The following PTPN1 variants were observed in gnomAD, a reference collection of about 807,000 sequenced individuals.
PTPN1 encodes the protein tyrosine-protein phosphatase non-receptor type 1.
PTPN1 carries 12 observed loss-of-function variants against 59.9 expected under a neutral mutation model. The observed-to-expected ratio is 0.20, with a 90% confidence interval of 0.13 to 0.32. The LOEUF is 0.32. PTPN1 is among the 10% of genes least tolerant of loss of function. The probability of loss-of-function intolerance (pLI) is 1.00; values close to 1 mark genes in which losing one functional copy is unlikely to be tolerated. For missense variants in PTPN1, 356 were observed against 549.2 expected (o/e 0.65, Z 3.52); for synonymous variants, 178 against 203.6 (o/e 0.87, Z 1.07).
intron 5 of PTPN1, among the ~76,000 whole-genome samples, chr20:50,575,888 C>A (rs890546440): frequency 2.0e-5 from 3 of 152,182 alleles, no homozygotes; most frequent in African/African-American, 7.2e-5. Context: ...GCTTGCACCA[C>A]TGCACTCTAG....
chr20:50,575,310 G>C (rs996404309), intron 5 of PTPN1, among the ~76,000 whole-genome samples: 1 of 152,224 alleles, frequency 6.6e-6, no homozygotes, highest in African/African-American at 2.4e-5. Flanking sequence ...CCAGTGAAGA[G>C]TGGCCAGCCA....
intron 2 of PTPN1, among the ~76,000 whole-genome samples, chr20:50,563,974 C>T (rs955914993): frequency 6.6e-6 from 1 of 151,898 alleles, no homozygotes; most frequent in Non-Finnish European, 1.5e-5. Context: ...AATATACTTT[C>T]AGTGTTTGGG....
chr20:50,518,235 A>G (rs1046346836), intron 1 of PTPN1, among the ~76,000 whole-genome samples: 4 of 152,128 alleles, frequency 2.6e-5, no homozygotes, highest in Non-Finnish European at 5.9e-5. Flanking sequence ...ATTGTACACT[A>G]TTGCGAATTT....
Position 50,534,016 on chromosome 20 carries a change from C to T in PTPN1, c.63+23426C>T, listed in dbSNP as rs1178339047. ...CGCGATCTCGGCTCACTGCAACCTC[C>T]GCCTCCCGAGTTCAAGCGATTCTCC... On this transcript the variant is annotated intron_variant, in intron 1 of 9. Coordinates refer to ENST00000371621, the MANE Select transcript of PTPN1 (RefSeq NM_002827.4). 1.6e-4 allele frequency among the ~76,000 whole-genome samples: 24 copies of T among 152,128 alleles called. 1 individual carries two copies. The highest frequency in any genetic ancestry group is 1.5e-3 in the Admixed American group (23 of 15,270).
At chr20:50,511,384 G>A (rs1322113276) in intron 1 of PTPN1, among the ~76,000 whole-genome samples, 1 of 152,172 alleles carries the variant, frequency 6.6e-6, no homozygotes, top group African/African-American at 2.4e-5. Context: ...TGCTTTGTGA[G>A]CTGAACCAAG....
intron 1 of PTPN1, among the ~76,000 whole-genome samples, chr20:50,523,294 G>A (rs1019046350): frequency 3.3e-5 from 5 of 152,126 alleles, no homozygotes; most frequent in Non-Finnish European, 7.3e-5. Flanking sequence ...GGACGTCCAG[G>A]GAAGCATCTG....
chr20:50,528,644 G>A (rs1000433379), intron 1 of PTPN1, among the ~76,000 whole-genome samples: 5 of 151,204 alleles, frequency 3.3e-5, no homozygotes, highest in African/African-American at 1.2e-4. Flanking sequence ...AACTGGGGAG[G>A]TGGAGGTTGC....
At chr20:50,553,856 T>G (rs1601403756) in intron 1 of PTPN1, among the ~76,000 whole-genome samples, 1 of 152,206 alleles carries the variant, frequency 6.6e-6, no homozygotes, top group South Asian at 2.1e-4. Flanking sequence ...AGAATTTAGC[T>G]GGATAGGATT....
chr20:50,561,377 A>T lies in PTPN1; in HGVS notation c.78A>T (p.Glu26Asp), dbSNP rs751952672. ...CTTTTTTGTAGGATATCCGACATGA[A>T]GCCAGTGACTTCCCATGTAGAGTGG... ...WAAIYQDIRH[E>D]ASDFPCRVAK... Residue 26 changes from glutamate to aspartate, a missense_variant, in exon 2 of 10, where the codon GAA becomes GAT. Physicochemically the swap from Glu to Asp is conservative, Grantham distance 45. Around this residue, in one of 3 missense-constraint regions of PTPN1, gnomAD observed 194 missense variants for 344.2 expected, o/e 0.56. Transcript: ENST00000371621. 6.2e-7 allele frequency: 1 copy of T among 1,611,706 alleles called. No individual in the cohort carries two copies. The highest frequency in any genetic ancestry group is 1.1e-5 in the South Asian group (1 of 90,794).
chr20:50,536,886 G>A (rs547951770), intron 1 of PTPN1, among the ~76,000 whole-genome samples: 3 of 152,070 alleles, frequency 2.0e-5, no homozygotes, highest in Non-Finnish European at 2.9e-5. Flanking sequence ...CATGTTTACT[G>A]TAGAAAACAA....
At chr20:50,515,536 C>T (rs527566935) in intron 1 of PTPN1, among the ~76,000 whole-genome samples, 120 of 152,294 alleles carry the variant, frequency 7.9e-4, no homozygotes, top group Non-Finnish European at 3.2e-4. Context: ...AAGTGATCCT[C>T]CTGCCTTGGC....
chr20:50,582,862 C>T lies in PTPN1; in HGVS notation c.*147C>T. ...GACGGACGTTGGTTCTGCACTAAAA[C>T]CCATCTTCCCCGGATGTGTGTCTCA... On this transcript the variant is annotated 3_prime_UTR_variant, in exon 10 of 10. Transcript: ENST00000371621. The surrounding 1 kb of genome is among the most constrained non-coding windows in gnomAD (Gnocchi z 4.2). The T allele has an allele frequency of 2.3e-6, 2 of 883,192 alleles. No individual in the cohort carries two copies. Among genetic ancestry groups the T allele is most frequent in the Non-Finnish European group, 3.5e-6 (2 of 563,454 alleles). The allele number at this position is 883,192 out of a possible 1,614,324, so 54.7% of individuals were successfully genotyped here. A position where few individuals can be genotyped will look rare whatever the true frequency, so the allele number is the denominator to read the frequency against.
chr20:50,580,374 C>T (rs1299365512), intron 8 of PTPN1, among the ~76,000 whole-genome samples: 2 of 152,180 alleles, frequency 1.3e-5, no homozygotes, highest in African/African-American at 4.8e-5. Flanking sequence ...TGCAGGTTAA[C>T]AACCATTATT....
intron 5 of PTPN1, chr20:50,577,898 T>G (rs2082844797): frequency 6.4e-6 from 1 of 157,056 alleles, no homozygotes. Context: ...GAGCCACACC[T>G]TGGAGTCACC....
Position 50,583,086 on chromosome 20 carries a change from T to A in PTPN1, c.*371T>A. 1 of 283,280 alleles carries A rather than the reference T, an allele frequency of 3.5e-6. No homozygotes were observed. Among genetic ancestry groups the A allele is most frequent in the Non-Finnish European group, 6.7e-6 (1 of 150,150 alleles). 17.5% of individuals were successfully genotyped at this position (283,280 alleles called of 1,614,324 possible). A position where few individuals can be genotyped will look rare whatever the true frequency, so the allele number is the denominator to read the frequency against. ...ACGCCAACAGCCCCCCCCTTGAATCTGCAGGGAGCAACTCTCCACTCCATA... is the reference window on the plus strand; with the variant it reads ...ACGCCAACAGCCCCCCCCTTGAATCAGCAGGGAGCAACTCTCCACTCCATA... On this transcript the variant is annotated 3_prime_UTR_variant, in exon 10 of 10. Transcript: ENST00000371621.
chr20:50,565,036 G>A lies in PTPN1; in HGVS notation c.222G>A (p.Met74Ile), dbSNP rs2082772467. The change falls in exon 3 of 10, where the codon ATG (methionine) becomes ATA (isoleucine). Residue 74 changes from methionine (M) to isoleucine (I), a missense_variant. Physicochemically the swap from Met to Ile is conservative, Grantham distance 10. Around this residue, in one of 3 missense-constraint regions of PTPN1, gnomAD observed 194 missense variants for 344.2 expected, o/e 0.56. Coordinates refer to ENST00000371621, the MANE Select transcript of PTPN1 (RefSeq NM_002827.4). ...ATATCAACGCTAGTTTGATAAAAAT[G>A]GAAGAAGCCCAAAGGAGTTACATTC... is the stretch of plus-strand genomic sequence containing the variant. ...NDYINASLIK[M>I]EEAQRSYILT... The A allele has an allele frequency of 6.2e-7, 1 of 1,613,086 alleles. No homozygotes were observed. The highest frequency in any genetic ancestry group is 1.3e-5 in the African/African-American group (1 of 74,824).
rs1489441940 is a variant in PTPN1 at position 50,510,548 on chromosome 20, C to G, written c.21C>G (p.Phe7Leu). ...CCGTCATGGAGATGGAAAAGGAGTTCGAGCAGATCGACAAGTCCGGGAGCT... is the reference window on the plus strand; with the variant it reads ...CCGTCATGGAGATGGAAAAGGAGTTGGAGCAGATCGACAAGTCCGGGAGCT... MEMEKE[F>L]EQIDKSGSWA... is the part of the protein sequence containing the mutation. Residue 7 changes from phenylalanine (F) to leucine (L), a missense_variant, in exon 1 of 10, where the codon TTC becomes TTG. By Grantham distance (22) the Phe-to-Leu change is conservative (BLOSUM62 0). Around this residue, in one of 3 missense-constraint regions of PTPN1, gnomAD observed 194 missense variants for 344.2 expected, o/e 0.56. Transcript: ENST00000371621. 6.4e-7 allele frequency: 1 copy of G among 1,551,166 alleles called. No individual in the cohort carries two copies. Among genetic ancestry groups the G allele is most frequent in the Admixed American group, 2.0e-5 (1 of 50,974 alleles).
intron 1 of PTPN1, among the ~76,000 whole-genome samples, chr20:50,518,128 C>T (rs2082537029): frequency 6.6e-6 from 1 of 152,196 alleles, no homozygotes; most frequent in Non-Finnish European, 1.5e-5. Flanking sequence ...TTTATTGGCA[C>T]TTCTCTTCCT....
chr20:50,510,386 A>T lies in PTPN1; in HGVS notation c.-142A>T. 1 of 855,484 alleles carries T rather than the reference A, an allele frequency of 1.2e-6. No homozygotes were observed. The highest frequency in any genetic ancestry group is 1.8e-6 in the Non-Finnish European group (1 of 557,712). 53.0% of individuals were successfully genotyped at this position (855,484 alleles called of 1,614,324 possible). A position where few individuals can be genotyped will look rare whatever the true frequency, so the allele number is the denominator to read the frequency against. On this transcript the variant is annotated 5_prime_UTR_variant, in exon 1 of 10. It introduces an in-frame stop codon into an upstream open reading frame of the 5' UTR. Transcript: ENST00000371621. ...GTAGTTCCGGCTGCCGGTTGACATG[A>T]AGAAGCAGCAGCGGCTAGGGCGGCG... is the stretch of plus-strand genomic sequence containing the variant.
Sources: gnomAD v4.1 joint callset for allele counts (sites outside exome capture counted in the v4.1 genomes callset) on GRCh38, gnomAD v4.1.1 for gene constraint, gnomAD v4.1.1 regional missense constraint, Gnocchi (gnomAD v3.1) non-coding constraint, MANE v1.5 for transcripts, NCBI Gene and HGNC (gene_info 2026-07-23, HGNC 2026-07-21) for gene names.